CAMK2D: variants seen among roughly 807,000 people sequenced by gnomAD.
CAMK2D encodes the protein calcium/calmodulin dependent protein kinase II delta.
Under a neutral mutation model 84.0 loss-of-function variants are expected in CAMK2D, and 37 were observed. The ratio of observed to expected loss-of-function variants is 0.44; its 90% confidence interval spans 0.34 to 0.58. The LOEUF (loss-of-function observed/expected upper bound fraction) is 0.58, where lower values mean the gene tolerates loss of function less well. CAMK2D is among the 20% of genes least tolerant of loss of function. The probability of loss-of-function intolerance (pLI) is 0.02; values close to 1 mark genes in which losing one functional copy is unlikely to be tolerated. For missense variants in CAMK2D, 448 were observed against 652.5 expected (o/e 0.69, Z 3.41); for synonymous variants, 202 against 212.5 (o/e 0.95, Z 0.43).
chr4:113,547,655 G>T lies in CAMK2D; in HGVS notation c.403C>A (p.Arg135=). 1 of 1,563,968 alleles carries T rather than the reference G, an allele frequency of 6.4e-7. No individual in the cohort carries two copies. Among genetic ancestry groups the T allele is most frequent in the East Asian group, 2.3e-5 (1 of 43,530 alleles). Residue 135 remains arginine (R), a synonymous_variant, in exon 6 of 21, where the codon CGG becomes AGG. Coordinates refer to ENST00000511664, the MANE Select transcript of CAMK2D (RefSeq NM_001321571.2). ...ACCGCATTACTCACCTTCAGGTCCC[G>T]ATGGACCACGCCCATCTGATGGCAG... ...LHCHQMGVVH[R]DLKPENLLLA...
intron 16 of CAMK2D, among the ~76,000 whole-genome samples, chr4:113,487,160 C>G (rs1282305526): frequency 6.6e-6 from 1 of 152,136 alleles, no homozygotes; most frequent in African/African-American, 2.4e-5. Flanking sequence ...ACTTTATCAT[C>G]TATCATATTA....
chr4:113,509,823 G>A (rs1296415048), intron 12 of CAMK2D, 148 bp from the exon 13 acceptor site: 8 of 633,200 alleles, frequency 1.3e-5, no homozygotes, highest in Admixed American at 8.5e-5. Flanking sequence ...ACTGATGAAC[G>A]CGAGCTTACA....
chr4:113,541,768 G>A (rs1051522953), intron 6 of CAMK2D, among the ~76,000 whole-genome samples: 3 of 151,868 alleles, frequency 2.0e-5, no homozygotes, highest in Non-Finnish European at 4.4e-5. Flanking sequence ...ACCATCCTCT[G>A]CTTGGCATGT....
intron 16 of CAMK2D, among the ~76,000 whole-genome samples, chr4:113,496,160 C>T (rs191940611): frequency 2.0e-5 from 3 of 152,314 alleles, no homozygotes; most frequent in South Asian, 2.1e-4. Context: ...TGACTCTAGG[C>T]ACACCCACAC....
At chr4:113,723,477 G>A (rs1432139708) in intron 2 of CAMK2D, among the ~76,000 whole-genome samples, 2 of 152,098 alleles carry the variant, frequency 1.3e-5, no homozygotes, top group African/African-American at 4.8e-5. Flanking sequence ...GCCCGCCTTG[G>A]CCACCCAAAG....
intron 4 of CAMK2D, among the ~76,000 whole-genome samples, chr4:113,589,769 A>T (rs1209216480): frequency 1.3e-5 from 2 of 152,142 alleles, no homozygotes; most frequent in Non-Finnish European, 2.9e-5. Flanking sequence ...TAGCAGTTGT[A>T]AATTTGGATA....
intron 4 of CAMK2D, among the ~76,000 whole-genome samples, chr4:113,555,542 G>A (rs2098658647): frequency 6.6e-6 from 1 of 152,108 alleles, no homozygotes; most frequent in African/African-American, 2.4e-5. Flanking sequence ...AAGCAGTTAA[G>A]CGAAGAATCA....
intron 15 of CAMK2D, among the ~76,000 whole-genome samples, chr4:113,501,881 C>A (rs546812356): frequency 3.9e-5 from 6 of 152,154 alleles, no homozygotes; most frequent in Admixed American, 3.9e-4. Flanking sequence ...CAAGGCTTTT[C>A]GGGACCTAGA....
intron 8 of CAMK2D, among the ~76,000 whole-genome samples, chr4:113,522,916 A>G (rs1452841839): frequency 2.0e-5 from 3 of 152,170 alleles, no homozygotes; most frequent in Non-Finnish European, 4.4e-5. Flanking sequence ...CCAAATCCCA[A>G]TGTGATGGTA....
intron 2 of CAMK2D, among the ~76,000 whole-genome samples, chr4:113,718,774 G>A (rs1041328852): frequency 2.0e-5 from 3 of 152,192 alleles, no homozygotes; most frequent in African/African-American, 7.2e-5. Flanking sequence ...CAAGATAAGA[G>A]TTGGTTAGGT....
At chr4:113,646,904 C>A (rs535075120) in intron 3 of CAMK2D, among the ~76,000 whole-genome samples, 2 of 152,276 alleles carry the variant, frequency 1.3e-5, no homozygotes, top group Non-Finnish European at 2.9e-5. Context: ...ACATTAAAAC[C>A]TTCCCAAATG....
intron 3 of CAMK2D, among the ~76,000 whole-genome samples, chr4:113,657,949 A>G (rs1019875718): frequency 2.4e-4 from 36 of 152,198 alleles, no homozygotes; most frequent in African/African-American, 7.2e-4. Context: ...TATTACTTAG[A>G]TATCATATTA....
At chr4:113,691,038 T>G (rs984261910) in intron 2 of CAMK2D, among the ~76,000 whole-genome samples, 2 of 152,194 alleles carry the variant, frequency 1.3e-5, no homozygotes, top group Non-Finnish European at 2.9e-5. Flanking sequence ...AGATTCACAA[T>G]TGTCTTGGGA....
rs557723531 is a variant in CAMK2D at position 113,761,074 on chromosome 4, G to T, written c.-6C>A. The T allele has an allele frequency of 6.2e-7, 1 of 1,613,982 alleles. No homozygotes were observed. The highest frequency in any genetic ancestry group is 1.3e-5 in the African/African-American group (1 of 74,940). On this transcript the variant is annotated 5_prime_UTR_variant, in exon 1 of 21. Transcript: ENST00000511664. ...CAGGTTGTGGTCGAAGCCATCCTCG[G>T]TCCGGGCTGTGCCCTGGCTGGGAGC...
At chr4:113,507,038 T>C (rs2098137190) in intron 13 of CAMK2D, among the ~76,000 whole-genome samples, 1 of 152,206 alleles carries the variant, frequency 6.6e-6, no homozygotes, top group South Asian at 2.1e-4. Flanking sequence ...AATGAATATG[T>C]GCCTCAACCA....
rs535554790 is a variant in CAMK2D at position 113,727,411 on chromosome 4, T to C, written c.160+31909A>G. 8.5e-5 allele frequency among the ~76,000 whole-genome samples: 13 copies of C among 152,264 alleles called. No homozygotes were observed. In the South Asian group the frequency reaches 2.3e-3, roughly 27 times the overall value. On this transcript the variant is annotated intron_variant, in intron 2 of 20. Coordinates refer to ENST00000511664, the MANE Select transcript of CAMK2D (RefSeq NM_001321571.2). ...ACTCACACATACATAGCCAATTAAT[T>C]TGACAAAGGCACCAAAATAATTCAA...
chr4:113,620,419 T>G (rs1275960433), intron 3 of CAMK2D, among the ~76,000 whole-genome samples: 1 of 152,142 alleles, frequency 6.6e-6, no homozygotes, highest in African/African-American at 2.4e-5. Context: ...TGTGAAAAGT[T>G]GGCAACTTTC....
At chr4:113,610,851 T>C (rs982320189) in intron 3 of CAMK2D, among the ~76,000 whole-genome samples, 4 of 152,166 alleles carry the variant, frequency 2.6e-5, no homozygotes, top group Non-Finnish European at 5.9e-5. Context: ...CTTTAATACC[T>C]TTCCCTTCTT....
rs375753866 is a variant in CAMK2D, at chr4:113,503,285, C to T, written c.1045-308G>A. The stretch of plus-strand genomic sequence containing the variant: ...ACTCACTGTTTCACTTAATCCTATG[C>T]TTTCCTTTCTTCTTTAATGAGTGGC... On this transcript the variant is annotated intron_variant, in intron 14 of 20. Coordinates refer to ENST00000511664, the MANE Select transcript of CAMK2D (RefSeq NM_001321571.2). 38 of 598,120 alleles carry T rather than the reference C, an allele frequency of 6.4e-5. No homozygotes were observed. The Middle Eastern group carries it at 2.0e-3, about 31-fold the overall frequency. 37.1% of individuals were successfully genotyped at this position (598,120 alleles called of 1,614,324 possible).
Sources: allele counts gnomAD v4.1 joint callset (sites outside exome capture counted in the v4.1 genomes callset), GRCh38; gene constraint gnomAD v4.1.1; transcripts MANE v1.5; gene names NCBI Gene and HGNC (gene_info 2026-07-23, HGNC 2026-07-21).